DAAM1: variants seen among roughly 807,000 people sequenced by gnomAD.
DAAM1 encodes the protein dishevelled associated activator of morphogenesis 1.
A neutral mutation model predicts 130.0 loss-of-function variants in DAAM1; 52 were observed. The ratio of observed to expected loss-of-function variants is 0.40; its 90% CI spans 0.32 to 0.50. The LOEUF is 0.50. Among genes scored for constraint, DAAM1 ranks in the 20% least tolerant of loss-of-function variants. The pLI is 0.61. For synonymous variants in DAAM1, 452 were observed against 444.5 expected (o/e 1.02, Z -0.21); for missense variants, 1,134 against 1,303.8 (o/e 0.87, Z 2.01).
intron 5 of DAAM1, among the ~76,000 whole-genome samples, chr14:59,322,527 G>A (rs1310387812): frequency 1.3e-5 from 2 of 151,878 alleles, no homozygotes; most frequent in Admixed American, 1.3e-4. Context: ...ATTGGGGTGG[G>A]GGCATGGGAA....
At chr14:59,331,598 AATG>A (rs1159593253) in intron 14 of DAAM1, 90 bp downstream of exon 14, 2 of 1,510,986 alleles carry the variant, frequency 1.3e-6, no homozygotes, top group African/African-American at 2.8e-5. Context: ...CTGGCTGTTA[AATG>A]ATTTCATTTT....
chr14:59,340,789 G>A (rs886305673), intron 16 of DAAM1, among the ~76,000 whole-genome samples: 18 of 152,130 alleles, frequency 1.2e-4, no homozygotes, highest in Admixed American at 2.0e-4. Context: ...TTGCAACTTC[G>A]GGCAATGTTG....
intron 1 of DAAM1, among the ~76,000 whole-genome samples, chr14:59,238,827 G>A (rs1056126799): frequency 3.3e-5 from 5 of 151,954 alleles, no homozygotes; most frequent in Non-Finnish European, 7.4e-5. Context: ...TAAATGTATC[G>A]CTGACACATG....
intron 4 of DAAM1, 143 bp downstream of exon 4, chr14:59,315,494 G>A (rs1884756416): frequency 1.3e-6 from 1 of 785,122 alleles, no homozygotes; most frequent in African/African-American, 1.7e-5. Flanking sequence ...TTCAATGCTG[G>A]GGAAAGGAAA....
rs189933383 is a variant in DAAM1 at position 59,223,861 on chromosome 14, A to T, written c.-38+35093A>T. 1.1e-4 allele frequency among the ~76,000 whole-genome samples: 17 copies of T among 152,342 alleles called. No homozygotes were observed. In the East Asian group the frequency reaches 3.3e-3, roughly 29 times the overall value. On this transcript the variant is annotated intron_variant, in intron 1 of 24. Coordinates refer to ENST00000360909, the MANE Select transcript of DAAM1 (RefSeq NM_001270520.2). Reference sequence around the variant, plus strand: ...CACTGAGATGGAAGACCTGCATTTTATCAGATTTGTTTCCTGCACTCTTAA... The same window carrying T: ...CACTGAGATGGAAGACCTGCATTTTTTCAGATTTGTTTCCTGCACTCTTAA...
In DAAM1 at chr14:59,331,487, C is replaced by G; in HGVS notation, c.1839C>G (p.Phe613Leu). The change falls in exon 14 of 25, where the codon TTC becomes TTG. Residue 613 changes from phenylalanine (F) to leucine (L), a missense_variant. Around this residue, in one of 3 missense-constraint regions of DAAM1, gnomAD observed 644 missense variants for 695.9 expected, o/e 0.93. Transcript: ENST00000360909. ...AGCCCACAAATGCCCTGAAATCCTT[C>G]AACTGGTCTAAACTGCCCGAGGTGA... The part of the protein sequence containing the change: ...IPQPTNALKS[F>L]NWSKLPENKL... 2 of 1,607,972 alleles carry G rather than the reference C, an allele frequency of 1.2e-6. No homozygotes were observed. The highest frequency in any genetic ancestry group is 1.7e-6 in the Non-Finnish European group (2 of 1,176,272).
At chr14:59,276,233 A>G (rs925778488) in intron 2 of DAAM1, among the ~76,000 whole-genome samples, 3 of 152,242 alleles carry the variant, frequency 2.0e-5, no homozygotes, top group Non-Finnish European at 4.4e-5. Context: ...ATGTTTATAT[A>G]TTTAATGAAT....
intron 1 of DAAM1, among the ~76,000 whole-genome samples, chr14:59,230,224 T>C (rs1889060498): frequency 6.6e-6 from 1 of 151,968 alleles, no homozygotes; most frequent in Admixed American, 6.6e-5. Context: ...CCTTTGTTAC[T>C]TGGAAGTCTG....
At position 59,347,304 on chromosome 14, in the gene DAAM1, C is replaced by A. The variant is rs1886121960; in HGVS notation, c.2076-235C>A. Among the ~76,000 whole-genome samples the A allele has an allele frequency of 2.4e-5, 3 of 123,164 alleles. No homozygotes were observed. In the South Asian group the frequency reaches 8.5e-4, roughly 35 times the overall value. 80.8% of individuals were successfully genotyped at this position (123,164 alleles called of 152,430 possible). On this transcript the variant is annotated intron_variant, in intron 16 of 24. Coordinates refer to ENST00000360909, the MANE Select transcript of DAAM1 (RefSeq NM_001270520.2). The stretch of plus-strand genomic sequence containing the variant: ...AATCCCTTGCTTAAGGAAACTAAAT[C>A]ATAGAACATAGCAGCTTTGTCCTCT...
At chr14:59,361,481 A>G (rs1309538155) in intron 22 of DAAM1, among the ~76,000 whole-genome samples, 2 of 152,246 alleles carry the variant, frequency 1.3e-5, no homozygotes, top group East Asian at 1.9e-4. Context: ...ATTGGCCCCT[A>G]TTGGAGGAAG....
intron 2 of DAAM1, among the ~76,000 whole-genome samples, chr14:59,286,578 G>A (rs1252895332): frequency 1.3e-5 from 2 of 151,952 alleles, no homozygotes; most frequent in Non-Finnish European, 2.9e-5. Flanking sequence ...AATAAACACA[G>A]TCAGAAATGA....
chr14:59,237,714 A>C (rs1392240141), intron 1 of DAAM1, among the ~76,000 whole-genome samples: 1 of 152,086 alleles, frequency 6.6e-6, no homozygotes, highest in Non-Finnish European at 1.5e-5. Flanking sequence ...TAGCCGAAAA[A>C]ACTGCTAGTC....
chr14:59,364,365 A>G (rs1173717687), intron 23 of DAAM1, among the ~76,000 whole-genome samples: 1 of 150,884 alleles, frequency 6.6e-6, no homozygotes, highest in East Asian at 1.9e-4. Context: ...TATTTTTATG[A>G]TTTCTGCTAT....
chr14:59,249,259 C>T (rs1881529965), intron 1 of DAAM1, among the ~76,000 whole-genome samples: 1 of 152,188 alleles, frequency 6.6e-6, no homozygotes, highest in Non-Finnish European at 1.5e-5. Flanking sequence ...TAGGTATTTT[C>T]CCAAAGCTTC....
chr14:59,219,880 C>T (rs79184350), intron 1 of DAAM1, among the ~76,000 whole-genome samples: 5,354 of 152,236 alleles, frequency 0.035, 100 homozygotes, highest in African/African-American at 0.053. Flanking sequence ...TCTGGACATG[C>T]CTTTATTCAT....
intron 1 of DAAM1, among the ~76,000 whole-genome samples, chr14:59,260,769 A>G (rs1882124731): frequency 6.6e-6 from 1 of 152,228 alleles, no homozygotes. Context: ...GCCCTTCAGA[A>G]ATGTAGAACT....
chr14:59,321,549 C>T (rs1034290773), intron 5 of DAAM1, among the ~76,000 whole-genome samples: 33 of 152,194 alleles, frequency 2.2e-4, no homozygotes, highest in African/African-American at 6.8e-4. Context: ...GCCTCCTGCA[C>T]TTTCATTCCT....
chr14:59,367,379 T>G, intron 23 of DAAM1, 50 bp from the exon 24 acceptor site: 1 of 1,549,192 alleles, frequency 6.5e-7, no homozygotes, highest in Non-Finnish European at 8.7e-7. Context: ...TTATATTTGA[T>G]TGTGGAATTC....
At chr14:59,323,256 C>T (rs1175106991) in intron 6 of DAAM1, 31 bp downstream of exon 6, 1 of 1,542,254 alleles carries the variant, frequency 6.5e-7, no homozygotes, top group Non-Finnish European at 8.8e-7. Flanking sequence ...CTTCACTCAC[C>T]CCTTCTTTAA....
Sources: allele counts gnomAD v4.1 joint callset (sites outside exome capture counted in the v4.1 genomes callset), GRCh38; gene constraint gnomAD v4.1.1; regional missense constraint gnomAD v4.1.1; transcripts MANE v1.5; gene names NCBI Gene and HGNC (gene_info 2026-07-23, HGNC 2026-07-21).